Variants in UGT1A8 observed in about 807,000 individuals in gnomAD.
UGT1A8 encodes UDP-glucuronosyltransferase 1A8.
A neutral mutation model predicts 45.3 loss-of-function variants in UGT1A8; 39 were observed. The ratio of observed to expected loss-of-function variants is 0.86; its 90% CI spans 0.67 to 1.12. The LOEUF (loss-of-function observed/expected upper bound fraction) is 1.12. Among genes scored for constraint, UGT1A8 ranks in the 50% most tolerant of loss-of-function variants. UGT1A8 has a pLI of 0.00. For missense variants in UGT1A8, 719 were observed against 664.9 expected, an observed-to-expected ratio of 1.08 and a Z score of -0.90; for synonymous variants, 275 against 249.2, an observed-to-expected ratio of 1.10 and a Z score of -0.97.
At position 233,772,434 on chromosome 2, in the gene UGT1A8, G is replaced by A; in HGVS notation, c.1468G>A (p.Gly490Ser). The change falls in exon 5 of 5, where the codon GGT (glycine) becomes AGT (serine). Residue 490 changes from glycine to serine, a missense_variant. Physicochemically the swap from Gly to Ser is moderately conservative, Grantham distance 56 (BLOSUM62 0). Coordinates refer to ENST00000373450, the MANE Select transcript of UGT1A8 (RefSeq NM_019076.5). ...CCAGTACCATTCCTTGGACGTGATT[G>A]GTTTCCTCTTGGCCGTCGTGCTGAC... ...WYQYHSLDVI[G>S]FLLAVVLTVA... The A allele has an allele frequency of 1.2e-6, 2 of 1,614,176 alleles. No individual in the cohort carries two copies. Among genetic ancestry groups the A allele is most frequent in the Non-Finnish European group, 1.7e-6 (2 of 1,180,036 alleles).
intron 1 of UGT1A8, among the ~76,000 whole-genome samples, chr2:233,731,284 C>CT (rs78127606): frequency 0.055 from 7,668 of 139,746 alleles, 279 homozygotes; most frequent in African/African-American, 0.086. Flanking sequence ...GTTTTTCTTT[C>CT]TTTTTTTTTT....
rs1233406017 is a variant in UGT1A8 at position 233,718,946 on chromosome 2, CA to C, written c.856-48087del. 88 of 1,614,072 alleles carry C rather than the reference CA, an allele frequency of 5.5e-5. No homozygotes were observed. In the East Asian group the frequency reaches 1.6e-3, roughly 29 times the overall value. ...TGCCCACTGATGGCAGCCCCTGGCT[CA>C]GCATGCGGGAGGCCTTGCGGGAGCT... On this transcript the variant is annotated intron_variant, in intron 1 of 4. Transcript: ENST00000373450.
intron 1 of UGT1A8, chr2:233,752,561 A>G (rs1440235236): frequency 6.6e-6 from 1 of 152,232 alleles, no homozygotes; most frequent in Non-Finnish European, 1.5e-5. Context: ...GGGACAACAT[A>G]GTGGGTCAAC....
Position 233,772,570 on chromosome 2 carries a change from G to C in UGT1A8, c.*11G>C. Reference sequence around the variant, plus strand: ...TCCAAGACCCATTGAGAAGTGGGTGGGAAATAAGGTAAAATTTTGAACCAT... The same window carrying C: ...TCCAAGACCCATTGAGAAGTGGGTGCGAAATAAGGTAAAATTTTGAACCAT... On this transcript the variant is annotated 3_prime_UTR_variant, in exon 5 of 5. Coordinates refer to ENST00000373450, the MANE Select transcript of UGT1A8 (RefSeq NM_019076.5). The C allele has an allele frequency of 1.2e-6, 2 of 1,612,202 alleles. No individual in the cohort carries two copies. Among genetic ancestry groups the C allele is most frequent in the Non-Finnish European group, 1.7e-6 (2 of 1,179,006 alleles).
At chr2:233,772,175 T>G in intron 4 of UGT1A8, 87 bp from the exon 5 acceptor site, 1 of 1,580,518 alleles carries the variant, frequency 6.3e-7, no homozygotes, top group Non-Finnish European at 8.6e-7. Context: ...GAAAATCTGG[T>G]AGTCTTCTTA....
intron 1 of UGT1A8, among the ~76,000 whole-genome samples, chr2:233,678,722 C>T (rs2125514358): frequency 6.6e-6 from 1 of 152,010 alleles, no homozygotes; most frequent in Non-Finnish European, 1.5e-5. Flanking sequence ...CATCTTCTTT[C>T]TCATCAAGTA....
chr2:233,632,577 A>T (rs573192540), intron 1 of UGT1A8, among the ~76,000 whole-genome samples: 1 of 151,926 alleles, frequency 6.6e-6, no homozygotes, highest in African/African-American at 2.4e-5. Context: ...ATTCCTAGGT[A>T]TTTTATTCTT....
At position 233,772,831 on chromosome 2, in the gene UGT1A8, T is replaced by TCACACAAGAAAGCCAGCAAGGAAG; in HGVS notation, c.*273_*274insACACAAGAAAGCCAGCAAGGAAGC. 1 of 893,952 alleles carries TCACACAAGAAAGCCAGCAAGGAAG rather than the reference T, an allele frequency of 1.1e-6. No homozygotes were observed. The highest frequency in any genetic ancestry group is 1.6e-6 in the Non-Finnish European group (1 of 642,656). 55.4% of individuals were successfully genotyped at this position (893,952 alleles called of 1,614,324 possible). A position where few individuals can be genotyped will look rare whatever the true frequency, so the allele number is the denominator to read the frequency against. On this transcript the variant is annotated 3_prime_UTR_variant, in exon 5 of 5. Coordinates refer to ENST00000373450, the MANE Select transcript of UGT1A8 (RefSeq NM_019076.5). ...AGAGGACGTGCAGACAGGCTGGCATTCTAGATTACTTTTCTTACTCTGAAA... is the reference window on the plus strand; with the variant it reads ...AGAGGACGTGCAGACAGGCTGGCATTCACACAAGAAAGCCAGCAAGGAAGCTAGATTACTTTTCTTACTCTGAAA...
At chr2:233,756,537 A>T (rs1326089003) in intron 1 of UGT1A8, among the ~76,000 whole-genome samples, 8 of 152,122 alleles carry the variant, frequency 5.3e-5, no homozygotes, top group Non-Finnish European at 1.2e-4. Context: ...ACTTTTCTTG[A>T]CTGCTAAAAC....
At chr2:233,638,080 T>C (rs1426129022) in intron 1 of UGT1A8, among the ~76,000 whole-genome samples, 1 of 152,150 alleles carries the variant, frequency 6.6e-6, no homozygotes, top group African/African-American at 2.4e-5. Flanking sequence ...TTTATCTTAG[T>C]AGACTAGAGT....
Position 233,772,910 on chromosome 2 carries a change from T to C in UGT1A8, c.*351T>C. Reference sequence around the variant, plus strand: ...AAGGTGGTCCCACGGCTGCCCCTACTGCAAATGGCAGTTTTAATCTTATCT... The same window carrying C: ...AAGGTGGTCCCACGGCTGCCCCTACCGCAAATGGCAGTTTTAATCTTATCT... On this transcript the variant is annotated 3_prime_UTR_variant, in exon 5 of 5. Coordinates refer to ENST00000373450, the MANE Select transcript of UGT1A8 (RefSeq NM_019076.5). The C allele has an allele frequency of 2.5e-6, 1 of 393,908 alleles. No individual in the cohort carries two copies. Among genetic ancestry groups the C allele is most frequent in the Non-Finnish European group, 4.4e-6 (1 of 225,416 alleles). 24.4% of individuals were successfully genotyped at this position (393,908 alleles called of 1,614,324 possible). A position where few individuals can be genotyped will look rare whatever the true frequency, so the allele number is the denominator to read the frequency against.
intron 1 of UGT1A8, among the ~76,000 whole-genome samples, chr2:233,661,754 C>T (rs2073976268): frequency 6.7e-6 from 1 of 149,486 alleles, no homozygotes; most frequent in Admixed American, 6.7e-5. Context: ...CAGTCCTCAA[C>T]CTATGGTACA....
chr2:233,623,562 TA>T (rs1228905028), intron 1 of UGT1A8, among the ~76,000 whole-genome samples: 3 of 152,194 alleles, frequency 2.0e-5, no homozygotes, highest in Non-Finnish European at 2.9e-5. Context: ...TAATTAAATA[TA>T]AAAAATAAGA....
intron 1 of UGT1A8, among the ~76,000 whole-genome samples, chr2:233,744,283 G>A (rs1174780649): frequency 6.6e-6 from 1 of 151,820 alleles, no homozygotes; most frequent in Non-Finnish European, 1.5e-5. Context: ...CTTTATATCA[G>A]TCTTTTTCCT....
intron 1 of UGT1A8, among the ~76,000 whole-genome samples, chr2:233,657,558 A>G (rs762473996): frequency 1.3e-5 from 2 of 152,208 alleles, no homozygotes; most frequent in Non-Finnish European, 2.9e-5. Flanking sequence ...GTCATTTGTG[A>G]GAGATCCATC....
At chr2:233,625,264 G>A (rs778598527) in intron 1 of UGT1A8, among the ~76,000 whole-genome samples, 2 of 152,058 alleles carry the variant, frequency 1.3e-5, no homozygotes, top group East Asian at 3.8e-4. Flanking sequence ...AGTTAGAATG[G>A]CTGTTATTAA....
intron 1 of UGT1A8, among the ~76,000 whole-genome samples, chr2:233,705,184 T>C (rs932565364): frequency 1.3e-5 from 2 of 152,066 alleles, no homozygotes; most frequent in African/African-American, 4.8e-5. Context: ...GAAGTATGCA[T>C]TGGTACTGCC....
chr2:233,677,895 A>C (rs913161121), intron 1 of UGT1A8, among the ~76,000 whole-genome samples: 1 of 152,218 alleles, frequency 6.6e-6, no homozygotes, highest in Non-Finnish European at 1.5e-5. Context: ...CTCTATTCAG[A>C]ATAGAAAAGA....
rs750764093 is a variant in UGT1A8, at chr2:233,682,056, C to G, written c.855+63494C>G. 3.1e-6 allele frequency: 5 copies of G among 1,613,984 alleles called. No individual in the cohort carries two copies. The African/African-American group carries it at 5.3e-5, about 17-fold the overall frequency. ...CCCATGGATGGGAGCCACTGGTTCACCATGCAGTCGGTGGTGGAGAAACTC... is the reference window on the plus strand; with the variant it reads ...CCCATGGATGGGAGCCACTGGTTCAGCATGCAGTCGGTGGTGGAGAAACTC... On this transcript the variant is annotated intron_variant, in intron 1 of 4. Transcript: ENST00000373450.
Sources: allele counts gnomAD v4.1 joint callset (sites outside exome capture counted in the v4.1 genomes callset), GRCh38; gene constraint gnomAD v4.1.1; transcripts MANE v1.5; gene names NCBI Gene and HGNC (gene_info 2026-07-23, HGNC 2026-07-21).